The following HOMER1 variants were observed in gnomAD, a reference collection of about 807,000 sequenced individuals.
HOMER1 encodes homer scaffold protein 1.
Under a neutral mutation model 48.9 loss-of-function variants are expected in HOMER1, and 3 were observed. The observed-to-expected ratio is 0.06, with a 90% CI of 0.03 to 0.16. HOMER1 has a LOEUF of 0.16. Ranked by LOEUF, HOMER1 falls within the 10% of genes least tolerant of loss-of-function variation. HOMER1 has a pLI of 1.00. For synonymous variants in HOMER1, 134 were observed against 146.4 expected (o/e 0.92, Z 0.61); for missense variants, 247 against 411.4 (o/e 0.60, Z 3.46).
chr5:79,504,992 A>G (rs1218062369), intron 1 of HOMER1, among the ~76,000 whole-genome samples: 1 of 152,138 alleles, frequency 6.6e-6, no homozygotes, highest in Non-Finnish European at 1.5e-5. Context: ...AGACTCCCCA[A>G]CTAGGCTGGG....
chr5:79,441,545 A>G lies in HOMER1; in HGVS notation c.388-2396T>C, dbSNP rs1750737089. Among the ~76,000 whole-genome samples the G allele has an allele frequency of 3.3e-5, 5 of 152,308 alleles. No homozygotes were observed. The South Asian group carries it at 1.0e-3, about 32-fold the overall frequency. ...GCAAGTTTTTCTTCAGAAAACTTGAATATTAGCTATATTTAAGTAAAGGCA... is the reference window on the plus strand; with the variant it reads ...GCAAGTTTTTCTTCAGAAAACTTGAGTATTAGCTATATTTAAGTAAAGGCA... On this transcript the variant is annotated intron_variant, in intron 4 of 8. Coordinates refer to ENST00000334082, the MANE Select transcript of HOMER1 (RefSeq NM_004272.5).
rs1220859867 is a variant in HOMER1, at chr5:79,503,549, A to C, written c.5+9221T>G. Among the ~76,000 whole-genome samples, 391 of 150,458 alleles carry C rather than the reference A, an allele frequency of 2.6e-3. 3 individuals are homozygous for C. The highest frequency in any genetic ancestry group is 6.6e-3 in the Admixed American group (100 of 15,114). On this transcript the variant is annotated intron_variant, in intron 1 of 8. Coordinates refer to ENST00000334082, the MANE Select transcript of HOMER1 (RefSeq NM_004272.5). ...GTCACAAAGAGAAAAAAAAAAAAAA[A>C]AAAAACAGAGGCCAGGTGCCATGGC...
At chr5:79,417,756 C>G (rs1014597438) in intron 5 of HOMER1, among the ~76,000 whole-genome samples, 6 of 152,160 alleles carry the variant, frequency 3.9e-5, no homozygotes, top group Non-Finnish European at 8.8e-5. Flanking sequence ...AAAAATGCCA[C>G]TATTTCCTTG....
chr5:79,449,517 G>C (rs1348782377), intron 3 of HOMER1, among the ~76,000 whole-genome samples: 4 of 152,184 alleles, frequency 2.6e-5, no homozygotes, highest in Non-Finnish European at 5.9e-5. Flanking sequence ...CTGTCACCCA[G>C]GCTAGAGTGC....
At chr5:79,426,805 G>A (rs1750270066) in intron 5 of HOMER1, among the ~76,000 whole-genome samples, 1 of 152,120 alleles carries the variant, frequency 6.6e-6, no homozygotes, top group African/African-American at 2.4e-5. Context: ...TATGGGGAAT[G>A]TTCCTAGCAC....
chr5:79,375,911 T>TC lies in HOMER1; in HGVS notation c.*97_*98insG. 2 of 555,420 alleles carry TC rather than the reference T, an allele frequency of 3.6e-6. No homozygotes were observed. Among genetic ancestry groups the TC allele is most frequent in the Admixed American group, 4.4e-5 (1 of 22,782 alleles). 34.4% of individuals were successfully genotyped at this position (555,420 alleles called of 1,614,324 possible). ...CTGGAGGAGTGATATTCAATTTTTT[T>TC]TTTTTTTTTTTTGTGCAATCTTGAT... is the stretch of plus-strand genomic sequence containing the variant. On this transcript the variant is annotated 3_prime_UTR_variant, in exon 9 of 9. Coordinates refer to ENST00000334082, the MANE Select transcript of HOMER1 (RefSeq NM_004272.5).
At chr5:79,390,075 C>T (rs998015984) in intron 8 of HOMER1, among the ~76,000 whole-genome samples, 1 of 152,074 alleles carries the variant, frequency 6.6e-6, no homozygotes, top group Non-Finnish European at 1.5e-5. Flanking sequence ...TGCTTGGGCC[C>T]AGGAGTTCAA....
intron 5 of HOMER1, among the ~76,000 whole-genome samples, chr5:79,416,521 C>G (rs1162403933): frequency 6.6e-6 from 1 of 152,176 alleles, no homozygotes. Flanking sequence ...TAAGAGGGCC[C>G]GAGAAATGTC....
intron 5 of HOMER1, among the ~76,000 whole-genome samples, chr5:79,418,993 T>C (rs2112244164): frequency 6.6e-6 from 1 of 152,302 alleles, no homozygotes; most frequent in Admixed American, 6.5e-5. Context: ...AAAGTATGGA[T>C]TAAACAGATT....
intron 5 of HOMER1, among the ~76,000 whole-genome samples, chr5:79,415,431 A>C (rs942149472): frequency 6.6e-6 from 1 of 152,162 alleles, no homozygotes; most frequent in African/African-American, 2.4e-5. Context: ...CATGGACATA[A>C]ATTGTAGTCA....
At position 79,439,907 on chromosome 5, in the gene HOMER1, G is replaced by T. The variant is rs185873831; in HGVS notation, c.388-758C>A. Among the ~76,000 whole-genome samples, 9 of 152,190 alleles carry T rather than the reference G, an allele frequency of 5.9e-5. No individual in the cohort carries two copies. The East Asian group carries it at 1.7e-3, about 29-fold the overall frequency. Reference sequence around the variant, plus strand: ...GAAGCTCAAGCTGACACTTATGTCTGCCACCATCAGATTATCCAAATTTGA... The same window carrying T: ...GAAGCTCAAGCTGACACTTATGTCTTCCACCATCAGATTATCCAAATTTGA... On this transcript the variant is annotated intron_variant, in intron 4 of 8. Coordinates refer to ENST00000334082, the MANE Select transcript of HOMER1 (RefSeq NM_004272.5).
At chr5:79,409,069 A>G (rs1452985191) in intron 5 of HOMER1, among the ~76,000 whole-genome samples, 3 of 107,864 alleles carry the variant, frequency 2.8e-5, no homozygotes, top group African/African-American at 1.6e-4. Flanking sequence ...TTGATGAAGC[A>G]AGATTTTGTC....
Position 79,468,966 on chromosome 5 carries a change from A to G in HOMER1, c.6-11948T>C, listed in dbSNP as rs572661539. ...CCATCTGAGCGCAACAAATTGCTAT[A>G]CTCATTTCTGAGCTTGTTTAAAACC... On this transcript the variant is annotated intron_variant, in intron 1 of 8. Transcript: ENST00000334082. 5.2e-4 allele frequency among the ~76,000 whole-genome samples: 79 copies of G among 152,328 alleles called. 1 individual carries two copies. Among genetic ancestry groups the G allele is most frequent in the Middle Eastern group, 3.4e-3 (1 of 294 alleles).
intron 8 of HOMER1, among the ~76,000 whole-genome samples, chr5:79,379,906 C>T (rs978850233): frequency 1.3e-5 from 2 of 152,106 alleles, no homozygotes; most frequent in Admixed American, 1.3e-4. Flanking sequence ...TCATCAACTC[C>T]CTCCTGAGTG....
intron 1 of HOMER1, among the ~76,000 whole-genome samples, chr5:79,501,576 A>C (rs1752593937): frequency 6.6e-6 from 1 of 152,248 alleles, no homozygotes; most frequent in Non-Finnish European, 1.5e-5. Flanking sequence ...GGAAAACAAG[A>C]TACATTTAAT....
At chr5:79,486,840 A>C (rs1752116823) in intron 1 of HOMER1, among the ~76,000 whole-genome samples, 1 of 152,254 alleles carries the variant, frequency 6.6e-6, no homozygotes, top group Non-Finnish European at 1.5e-5. Flanking sequence ...TTGAGTTTTA[A>C]GCAAGGTAGG....
intron 1 of HOMER1, among the ~76,000 whole-genome samples, chr5:79,484,061 A>G (rs1285164545): frequency 2.0e-5 from 3 of 151,658 alleles, no homozygotes; most frequent in East Asian, 3.9e-4. Context: ...AAAAAAAAAA[A>G]AAAGTGGGGT....
At chr5:79,377,828 T>C (rs1748814613) in intron 8 of HOMER1, among the ~76,000 whole-genome samples, 1 of 152,130 alleles carries the variant, frequency 6.6e-6, no homozygotes. Flanking sequence ...GTTCTGGTGT[T>C]GAAATTACAG....
At chr5:79,384,273 C>G (rs1406889372) in intron 8 of HOMER1, among the ~76,000 whole-genome samples, 1 of 151,788 alleles carries the variant, frequency 6.6e-6, no homozygotes, top group Non-Finnish European at 1.5e-5. Flanking sequence ...CTAGCTAGAC[C>G]AAGAAGAGGA....
Sources: gnomAD v4.1 joint callset for allele counts (sites outside exome capture counted in the v4.1 genomes callset) on GRCh38, gnomAD v4.1.1 for gene constraint, MANE v1.5 for transcripts, NCBI Gene and HGNC (gene_info 2026-07-23, HGNC 2026-07-21) for gene names.